Variants in S100A13 observed in about 807,000 individuals in gnomAD.
The protein encoded by S100A13 is S100 calcium binding protein A13.
Under a neutral mutation model 8.2 loss-of-function variants are expected in S100A13, and 6 were observed. The observed-to-expected ratio is 0.73, with a 90% CI of 0.40 to 1.44. The LOEUF is 1.44. Among genes scored for constraint, S100A13 ranks in the 40% most tolerant of loss-of-function variants. The pLI, the probability that S100A13 is intolerant of heterozygous loss-of-function variation, is 0.02. For synonymous variants in S100A13, 39 were observed against 45.9 expected (o/e 0.85, Z 0.61); for missense variants, 114 against 113.6 (o/e 1.00, Z -0.02).
At chr1:153,626,998 G>C (rs1421325108) in intron 1 of S100A13, 1 of 153,764 alleles carries the variant, frequency 6.5e-6, no homozygotes, top group African/African-American at 2.4e-5. Flanking sequence ...TTGGGCCCTG[G>C]TCTCCGGCCA....
chr1:153,631,445 G>A, upstream of S100A13: 4 of 1,560,240 alleles, frequency 2.6e-6, no homozygotes, highest in South Asian at 1.2e-5. Context: ...AGCTCCTAGT[G>A]TAGTGCTTGC....
intron 2 of S100A13, among the ~76,000 whole-genome samples, chr1:153,624,020 C>T (rs149315561): frequency 2.0e-5 from 3 of 152,096 alleles, no homozygotes; most frequent in South Asian, 4.2e-4. Flanking sequence ...AATGAGGACC[C>T]GAGGGATGTT....
upstream of S100A13, chr1:153,634,190 C>G (rs1208588973): frequency 6.5e-6 from 1 of 152,808 alleles, no homozygotes; most frequent in Non-Finnish European, 1.5e-5. Flanking sequence ...CAACAACGAA[C>G]TGAGCTCGCA....
upstream of S100A13, chr1:153,630,519 G>C (rs574469325): frequency 3.7e-6 from 6 of 1,614,080 alleles, no homozygotes; most frequent in Middle Eastern, 1.7e-4. Flanking sequence ...GTGCACTGCT[G>C]CAATGGGCTC....
rs1283325643 is a variant in S100A13 at position 153,619,058 on chromosome 1, AAGGGT to A, written c.154-25_154-21del. ...CACATCCTGAGGAGACACCAAAGGG[AAGGGT>A]AGAGTTAGAAACTGGGGTTCTTGAG... On this transcript the variant is annotated intron_variant, in intron 2 of 2. Coordinates refer to ENST00000476133, the MANE Select transcript of S100A13 (RefSeq NM_001024211.2). 1.2e-5 allele frequency: 20 copies of A among 1,609,442 alleles called. No individual in the cohort carries two copies. The highest frequency in any genetic ancestry group is 1.5e-5 in the Non-Finnish European group (18 of 1,177,352).
At chr1:153,620,447 T>C (rs79322489) in intron 2 of S100A13, among the ~76,000 whole-genome samples, 3,770 of 129,508 alleles carry the variant, frequency 0.029, 148 homozygotes, top group African/African-American at 0.1. Flanking sequence ...GGTGACAGAG[T>C]GAGACTATCT....
intron 2 of S100A13, among the ~76,000 whole-genome samples, chr1:153,623,827 T>C (rs183280758): frequency 2.6e-5 from 4 of 152,360 alleles, no homozygotes; most frequent in African/African-American, 7.2e-5. Context: ...AACAAAGCTA[T>C]GCATTTTTCT....
intron 2 of S100A13, among the ~76,000 whole-genome samples, chr1:153,623,077 G>C (rs1209128376): frequency 6.6e-6 from 1 of 150,920 alleles, no homozygotes; most frequent in African/African-American, 2.4e-5. Flanking sequence ...GCAACAAAGT[G>C]AGACTCTGTC....
intron 2 of S100A13, among the ~76,000 whole-genome samples, chr1:153,621,102 A>G (rs891681521): frequency 3.9e-5 from 6 of 152,084 alleles, no homozygotes; most frequent in Non-Finnish European, 5.9e-5. Context: ...TCAGCTAAAA[A>G]TGTTGATTTT....
upstream of S100A13, chr1:153,628,723 A>G (rs74118317): frequency 7.3e-3 from 5,435 of 745,124 alleles, 206 homozygotes; most frequent in African/African-American, 0.087. Context: ...CAGCTCAGCA[A>G]AGGAGGAAGC....
chr1:153,628,206 C>T, upstream of S100A13: 1 of 1,549,248 alleles, frequency 6.5e-7, no homozygotes, highest in Non-Finnish European at 8.7e-7. Flanking sequence ...GACCTCCTTC[C>T]CACCTCTTTC....
chr1:153,626,676 G>A (rs1571292978), intron 1 of S100A13, 143 bp from the exon 2 acceptor site: 1 of 529,286 alleles, frequency 1.9e-6, no homozygotes. Flanking sequence ...GACAGGGGTT[G>A]AGCTTGGGGC....
chr1:153,624,899 A>AC (rs1277639807), intron 2 of S100A13, among the ~76,000 whole-genome samples: 1 of 152,190 alleles, frequency 6.6e-6, no homozygotes, highest in East Asian at 1.9e-4. Context: ...ACATAGTGAA[A>AC]CCCCGTCTCT....
chr1:153,623,365 G>T (rs1277316652), intron 2 of S100A13, among the ~76,000 whole-genome samples: 1 of 151,634 alleles, frequency 6.6e-6, no homozygotes, highest in Non-Finnish European at 1.5e-5. Context: ...CAAGTTTCCT[G>T]ATTGCTCCTA....
At chr1:153,630,608 G>A, upstream of S100A13, 1 of 1,614,274 alleles carries the variant, frequency 6.2e-7, no homozygotes, top group Non-Finnish European at 8.5e-7. Flanking sequence ...AGTACAAGCT[G>A]AGCAAGAAGG....
upstream of S100A13, chr1:153,634,203 C>T (rs945861954): frequency 6.5e-6 from 1 of 152,782 alleles, no homozygotes; most frequent in Non-Finnish European, 1.5e-5. Flanking sequence ...AGCTCGCATA[C>T]TACCGCTTAC....
upstream of S100A13, chr1:153,632,029 C>T (rs1174953285): frequency 6.3e-6 from 4 of 630,416 alleles, no homozygotes; most frequent in Non-Finnish European, 8.0e-6. Context: ...AGGCTTCTCT[C>T]TCACCAGCCA....
At chr1:153,620,437 G>A (rs1667165601) in intron 2 of S100A13, among the ~76,000 whole-genome samples, 1 of 150,628 alleles carries the variant, frequency 6.6e-6, no homozygotes, top group African/African-American at 2.4e-5. Flanking sequence ...CTCCAGCCTG[G>A]GTGACAGAGT....
intron 2 of S100A13, among the ~76,000 whole-genome samples, chr1:153,625,404 G>A (rs1293341907): frequency 6.6e-6 from 1 of 152,200 alleles, no homozygotes; most frequent in Non-Finnish European, 1.5e-5. Flanking sequence ...AGGCCTCTTC[G>A]AGGCCAGAGT....
Sources: allele counts gnomAD v4.1 joint callset (sites outside exome capture counted in the v4.1 genomes callset), GRCh38; gene constraint gnomAD v4.1.1; transcripts MANE v1.5; gene names NCBI Gene and HGNC (gene_info 2026-07-23, HGNC 2026-07-21).